SMIM43: variants seen among roughly 807,000 people sequenced by gnomAD.
SMIM43 encodes Nodal Enhanced MEsendoderm Peptide.
intron 5 of SMIM43, among the ~76,000 whole-genome samples, chr4:121,760,954 A>G (rs1726028237): frequency 6.6e-6 from 1 of 152,196 alleles, no homozygotes; most frequent in South Asian, 2.1e-4. Context: ...CATGCTTATT[A>G]AGTTCTGATT....
intron 1 of SMIM43, chr4:121,764,455 T>C (rs1377296649): frequency 6.5e-6 from 1 of 153,944 alleles, no homozygotes; most frequent in Non-Finnish European, 1.4e-5. Context: ...ACACAGTCTT[T>C]CTCAAAAATG....
At chr4:121,761,072 G>A (rs777764066) in intron 5 of SMIM43, among the ~76,000 whole-genome samples, 2 of 151,368 alleles carry the variant, frequency 1.3e-5, no homozygotes, top group Non-Finnish European at 2.9e-5. Context: ...TTTATTTTGT[G>A]TAGACAAAAT....
chr4:121,764,985 C>G lies in SMIM43; in HGVS notation c.121G>C (p.Gly41Arg). ...GAGAGGCGCCCGGGCTGGAGCGCCC[C>G]GGCCGTGTTGGCCACGGAGTTCTTC... ...QLKNSVANTA[G>R]ALQPGRLSVH... Residue 41 changes from glycine (G) to arginine (R), a missense_variant, in exon 1 of 6, where the codon GGG (glycine) becomes CGG (arginine). Physicochemically the swap from Gly to Arg is moderately radical, Grantham distance 125 (BLOSUM62 -2). Transcript: ENST00000643802. 7.5e-6 allele frequency: 3 copies of G among 398,626 alleles called. No individual in the cohort carries two copies. Among genetic ancestry groups the G allele is most frequent in the Middle Eastern group, 6.3e-4 (1 of 1,586 alleles). The allele number at this position is 398,626 out of a possible 1,614,324, so 24.7% of individuals were successfully genotyped here.
intron 1 of SMIM43, 94 bp downstream of exon 1, chr4:121,764,723 C>G: frequency 2.5e-6 from 1 of 392,618 alleles, no homozygotes; most frequent in Non-Finnish European, 4.5e-6. Context: ...GGCACCCGAA[C>G]GCGCTGCGAG....
chr4:121,764,603 G>A (rs978489104), intron 1 of SMIM43: 5 of 292,538 alleles, frequency 1.7e-5, no homozygotes, highest in Non-Finnish European at 2.5e-5. Flanking sequence ...AAGTCATTCC[G>A]GCTCCAAAGG....
rs1725955867 is a variant in SMIM43 at position 121,759,804 on chromosome 4, A to G, written c.*1170T>C. ...CATGCATGAAAGCGATGGTCTTTCT[A>G]TAGGAATCAAATACACAAACCCAGA... On this transcript the variant is annotated 3_prime_UTR_variant, in exon 6 of 6. Transcript: ENST00000643802. The G allele has an allele frequency of 6.6e-6, 1 of 152,320 alleles. No individual in the cohort carries two copies. Among genetic ancestry groups the G allele is most frequent in the Non-Finnish European group, 1.5e-5 (1 of 68,122 alleles). 9.4% of individuals were successfully genotyped at this position (152,320 alleles called of 1,614,324 possible).
In SMIM43 at chr4:121,760,399, T is replaced by G; in HGVS notation, c.*575A>C. On this transcript the variant is annotated 3_prime_UTR_variant, in exon 6 of 6. Transcript: ENST00000643802. ...GGAAGCTCTTTAAAAGGAAGTGGAT[T>G]TGAACTGGCATGCCCCGTTTTCTCT... The G allele has an allele frequency of 6.3e-7, 1 of 1,588,660 alleles. No homozygotes were observed. Among genetic ancestry groups the G allele is most frequent in the Non-Finnish European group, 8.6e-7 (1 of 1,166,312 alleles).
At chr4:121,765,301 C>T (rs576533960), upstream of SMIM43, 11 of 363,278 alleles carry the variant, frequency 3.0e-5, no homozygotes, top group East Asian at 4.4e-4. Context: ...GGAAATCCGG[C>T]GCAGACTCTC....
At chr4:121,762,963 T>C (rs182761459) in intron 2 of SMIM43, among the ~76,000 whole-genome samples, 165 bp from the exon 3 acceptor site, 1 of 152,230 alleles carries the variant, frequency 6.6e-6, no homozygotes, top group East Asian at 1.9e-4. Flanking sequence ...ATATTAACCA[T>C]ACAACCTTTT....
rs188976093 is a variant in SMIM43 at position 121,759,240 on chromosome 4, T to C, written c.*1734A>G. On this transcript the variant is annotated 3_prime_UTR_variant, in exon 6 of 6. Transcript: ENST00000643802. Reference sequence around the variant, plus strand: ...ATTCACTATACAGGAATATGTGCAATATATAGATGTCAAGTTAACATCTTG... The same window carrying C: ...ATTCACTATACAGGAATATGTGCAACATATAGATGTCAAGTTAACATCTTG... The C allele has an allele frequency of 6.6e-6, 1 of 152,302 alleles. No homozygotes were observed. The highest frequency in any genetic ancestry group is 6.5e-5 in the Admixed American group (1 of 15,302). 9.4% of individuals were successfully genotyped at this position (152,302 alleles called of 1,614,324 possible). A position where few individuals can be genotyped will look rare whatever the true frequency, so the allele number is the denominator to read the frequency against.
intron 5 of SMIM43, 25 bp from the exon 6 acceptor site, chr4:121,760,499 T>C (rs1726002428): frequency 6.6e-7 from 1 of 1,507,426 alleles, no homozygotes; most frequent in Non-Finnish European, 8.9e-7. Flanking sequence ...CAAGGGAACC[T>C]CAGCAGCCAC....
In SMIM43 at chr4:121,761,878, A is replaced by G; in HGVS notation, c.*293T>C. 6.2e-7 allele frequency: 1 copy of G among 1,610,138 alleles called. No homozygotes were observed. ...CCAAGATTGTCCTGATAAGATCTGAAGCCATTTTGAACACCTGAAATTTAG... is the reference window on the plus strand; with the variant it reads ...CCAAGATTGTCCTGATAAGATCTGAGGCCATTTTGAACACCTGAAATTTAG... On this transcript the variant is annotated 3_prime_UTR_variant, in exon 4 of 6. Transcript: ENST00000643802.
rs757418859 is a variant in SMIM43, at chr4:121,761,636, TTC to T, written c.*399_*400del. The T allele has an allele frequency of 1.2e-6, 2 of 1,613,772 alleles. No individual in the cohort carries two copies. The highest frequency in any genetic ancestry group is 1.7e-5 in the Admixed American group (1 of 59,944). On this transcript the variant is annotated 3_prime_UTR_variant, in exon 5 of 6. Coordinates refer to ENST00000643802, the MANE Select transcript of SMIM43 (RefSeq NM_001384332.1). ...GTGCATGGCACACTCTGGGTAAATTTTCTCTCTTATTCTGTAGAATCGCACCA... is the reference window on the plus strand; with the variant it reads ...GTGCATGGCACACTCTGGGTAAATTTTCTCTTATTCTGTAGAATCGCACCA...
intron 2 of SMIM43, 118 bp downstream of exon 2, chr4:121,763,646 C>T (rs1337428537): frequency 2.0e-5 from 3 of 152,118 alleles, no homozygotes; most frequent in African/African-American, 7.2e-5. Context: ...GGGAGAGTGC[C>T]CTTTCCTTCC....
At chr4:121,765,278 G>T, upstream of SMIM43, 2 of 371,946 alleles carry the variant, frequency 5.4e-6, no homozygotes, top group African/African-American at 2.1e-5. Context: ...GAGGAAACGC[G>T]CCAAGGAGCT....
chr4:121,759,692 C>T lies in SMIM43; in HGVS notation c.*1282G>A, dbSNP rs1228863113. 1 of 152,144 alleles carries T rather than the reference C, an allele frequency of 6.6e-6. No individual in the cohort carries two copies. Among genetic ancestry groups the T allele is most frequent in the Non-Finnish European group, 1.5e-5 (1 of 68,046 alleles). 9.4% of individuals were successfully genotyped at this position (152,144 alleles called of 1,614,324 possible). A position where few individuals can be genotyped will look rare whatever the true frequency, so the allele number is the denominator to read the frequency against. ...TGCTTATAGAAGCAGCTTTGAGAGG[C>T]AATTCTTCTCCCAGGATATTCCTAG... On this transcript the variant is annotated 3_prime_UTR_variant, in exon 6 of 6. Coordinates refer to ENST00000643802, the MANE Select transcript of SMIM43 (RefSeq NM_001384332.1).
rs1272990492 is a variant in SMIM43, at chr4:121,761,932, A to G, written c.*279-40T>C. The G allele has an allele frequency of 4.7e-6, 7 of 1,483,632 alleles. No homozygotes were observed. In the Admixed American group the frequency reaches 5.5e-5, roughly 12 times the overall value. The allele number at this position is 1,483,632 out of a possible 1,614,324, so 91.9% of individuals were successfully genotyped here. ...CAATGATGAAATAATAACATTTGAA[A>G]TAAAATACAAATATTACATAATAGA... On this transcript the variant is annotated intron_variant, in intron 3 of 5. Transcript: ENST00000643802.
At chr4:121,761,747 T>C in intron 4 of SMIM43, 52 bp from the exon 5 acceptor site, 1 of 1,611,168 alleles carries the variant, frequency 6.2e-7, no homozygotes, top group Non-Finnish European at 8.5e-7. Flanking sequence ...ATTTTAGATT[T>C]TGCAGGTGTG....
chr4:121,762,663 A>G (rs4240264), intron 3 of SMIM43, 64 bp downstream of exon 3: 52,666 of 152,016 alleles, frequency 0.35, 11,371 homozygotes, highest in Admixed American at 0.52. Context: ...CTTTCTTAGG[A>G]ACCTGAGTCA....
Sources: gnomAD v4.1 joint callset for allele counts (sites outside exome capture counted in the v4.1 genomes callset) on GRCh38, gnomAD v4.1.1 for gene constraint, MANE v1.5 for transcripts, NCBI Gene and HGNC (gene_info 2026-07-23, HGNC 2026-07-21) for gene names.